RSU1: variants seen among roughly 807,000 people sequenced by gnomAD.
RSU1 encodes the protein Ras suppressor protein 1.
Under a neutral mutation model 31.1 loss-of-function variants are expected in RSU1, and 26 were observed. The ratio of observed to expected loss-of-function variants is 0.84; its 90% CI spans 0.61 to 1.16. RSU1 has a LOEUF of 1.16. Among genes scored for constraint, RSU1 ranks in the 50% most tolerant of loss-of-function variants. The pLI is 0.00. For missense variants in RSU1, 320 were observed against 339.1 expected (o/e 0.94, Z 0.44); for synonymous variants, 164 against 136.3 (o/e 1.20, Z -1.41).
At chr10:16,633,650 A>G (rs548424244) in intron 8 of RSU1, among the ~76,000 whole-genome samples, 1 of 152,296 alleles carries the variant, frequency 6.6e-6, no homozygotes, top group East Asian at 1.9e-4. Flanking sequence ...AGCAGGGGCC[A>G]GACGACAACC....
intron 8 of RSU1, among the ~76,000 whole-genome samples, chr10:16,594,404 G>A (rs551462085): frequency 5.0e-4 from 76 of 150,674 alleles, no homozygotes; most frequent in African/African-American, 1.7e-3. Context: ...ATATACTGGC[G>A]TCCGGCATTT....
chr10:16,738,260 C>T (rs1403360921), intron 7 of RSU1, among the ~76,000 whole-genome samples: 1 of 152,022 alleles, frequency 6.6e-6, no homozygotes, highest in Non-Finnish European at 1.5e-5. Flanking sequence ...TCCTGGCTAA[C>T]AGAGTGAAAC....
At chr10:16,706,626 A>AT (rs1195805472) in intron 7 of RSU1, among the ~76,000 whole-genome samples, 1 of 152,186 alleles carries the variant, frequency 6.6e-6, no homozygotes, top group Non-Finnish European at 1.5e-5. Flanking sequence ...ATACATACTT[A>AT]TGGGGGTACA....
intron 2 of RSU1, among the ~76,000 whole-genome samples, chr10:16,789,410 C>A (rs537963366): frequency 1.3e-5 from 2 of 152,134 alleles, no homozygotes; most frequent in African/African-American, 2.4e-5. Context: ...GACTCCAGGT[C>A]GGGTCTGCAG....
At chr10:16,702,625 T>G (rs1267443161) in intron 7 of RSU1, among the ~76,000 whole-genome samples, 1 of 152,238 alleles carries the variant, frequency 6.6e-6, no homozygotes. Context: ...GGCCAATTTC[T>G]CCCTACTGGA....
intron 3 of RSU1, among the ~76,000 whole-genome samples, chr10:16,775,652 T>G (rs1837511821): frequency 6.6e-6 from 1 of 152,200 alleles, no homozygotes; most frequent in Non-Finnish European, 1.5e-5. Context: ...TCCCATAGCA[T>G]GATCTCAGGT....
At chr10:16,768,081 C>T (rs1399513947) in intron 3 of RSU1, among the ~76,000 whole-genome samples, 1 of 152,200 alleles carries the variant, frequency 6.6e-6, no homozygotes. Flanking sequence ...ATATTTCTTA[C>T]ATCTTTGAAA....
intron 7 of RSU1, among the ~76,000 whole-genome samples, chr10:16,712,606 T>A (rs962409809): frequency 1.3e-5 from 2 of 152,226 alleles, no homozygotes; most frequent in African/African-American, 4.8e-5. Context: ...TATTCTAGAC[T>A]TAACCCCATA....
At chr10:16,665,128 G>C (rs1019417513) in intron 8 of RSU1, among the ~76,000 whole-genome samples, 1 of 152,058 alleles carries the variant, frequency 6.6e-6, no homozygotes, top group African/African-American at 2.4e-5. Flanking sequence ...ATTTTCAGTA[G>C]AGATGGGGTT....
At chr10:16,641,919 T>C (rs1197366198) in intron 8 of RSU1, among the ~76,000 whole-genome samples, 2 of 152,202 alleles carry the variant, frequency 1.3e-5, no homozygotes, top group East Asian at 3.9e-4. Flanking sequence ...GCCTGGAACC[T>C]GGCCCAGGAC....
intron 3 of RSU1, among the ~76,000 whole-genome samples, chr10:16,780,538 T>C (rs1837629391): frequency 6.6e-6 from 1 of 152,222 alleles, no homozygotes; most frequent in Non-Finnish European, 1.5e-5. Flanking sequence ...TCACTGATCC[T>C]GGCCAGTTTT....
intron 8 of RSU1, among the ~76,000 whole-genome samples, chr10:16,679,774 T>A (rs1249002976): frequency 6.6e-6 from 1 of 150,828 alleles, no homozygotes; most frequent in East Asian, 2.0e-4. Context: ...ACCATCACCA[T>A]CCTTCTGCCC....
chr10:16,627,881 T>C (rs564307492), intron 8 of RSU1, among the ~76,000 whole-genome samples: 1 of 152,148 alleles, frequency 6.6e-6, no homozygotes. Context: ...ATATTATCAG[T>C]AGCCACCCTT....
intron 7 of RSU1, among the ~76,000 whole-genome samples, chr10:16,700,725 A>G (rs527788672): frequency 2.6e-4 from 39 of 152,344 alleles, no homozygotes; most frequent in African/African-American, 8.9e-4. Flanking sequence ...TAAAATGCTC[A>G]TATTGTAATA....
At chr10:16,614,416 A>G (rs931890291) in intron 8 of RSU1, among the ~76,000 whole-genome samples, 1 of 152,156 alleles carries the variant, frequency 6.6e-6, no homozygotes, top group African/African-American at 2.4e-5. Flanking sequence ...GGTTAAAAAA[A>G]AAAATAGAAT....
At chr10:16,595,063 G>A (rs900017016) in intron 8 of RSU1, among the ~76,000 whole-genome samples, 13 of 151,720 alleles carry the variant, frequency 8.6e-5, no homozygotes, top group East Asian at 3.9e-4. Flanking sequence ...AGATTCAGGC[G>A]TGAGCCACCA....
At chr10:16,778,645 C>G (rs1251817354) in intron 3 of RSU1, among the ~76,000 whole-genome samples, 2 of 152,122 alleles carry the variant, frequency 1.3e-5, no homozygotes, top group Admixed American at 1.3e-4. Flanking sequence ...ATGGGCCAGA[C>G]CAGCCAGGGG....
chr10:16,656,086 G>T (rs1352579852), intron 8 of RSU1, among the ~76,000 whole-genome samples: 1 of 151,876 alleles, frequency 6.6e-6, no homozygotes, highest in Non-Finnish European at 1.5e-5. Flanking sequence ...TTTACATGTT[G>T]TTAGAAAAAA....
At position 16,645,908 on chromosome 10, in the gene RSU1, A is replaced by G. The variant is rs774811636; in HGVS notation, c.731+49115T>C. 1.9e-4 allele frequency among the ~76,000 whole-genome samples: 15 copies of G among 77,824 alleles called. 4 individuals are homozygous for G. The highest frequency in any genetic ancestry group is 8.5e-4 in the African/African-American group (11 of 12,866). The allele number at this position is 77,824 out of a possible 152,430, so 51.1% of individuals were successfully genotyped here. ...TATACATATATGTATATACACATAT[A>G]TGTATATATATGTGTATATACACAT... On this transcript the variant is annotated intron_variant, in intron 8 of 8. Coordinates refer to ENST00000345264, the MANE Select transcript of RSU1 (RefSeq NM_012425.4).
Sources: allele counts gnomAD v4.1 joint callset (sites outside exome capture counted in the v4.1 genomes callset), GRCh38; gene constraint gnomAD v4.1.1; transcripts MANE v1.5; gene names NCBI Gene and HGNC (gene_info 2026-07-23, HGNC 2026-07-21).